Variants in DOCK10 observed in about 807,000 individuals in gnomAD.
DOCK10 encodes the protein dedicator of cytokinesis protein 10.
Under a neutral mutation model 280.1 loss-of-function variants are expected in DOCK10, and 145 were observed. The observed-to-expected ratio is 0.52, with a 90% CI of 0.45 to 0.59. DOCK10 has a LOEUF of 0.59. Ranked by LOEUF, DOCK10 falls within the 20% of genes least tolerant of loss-of-function variation. The probability of loss-of-function intolerance (pLI) is 0.00; values close to 1 mark genes in which losing one functional copy is unlikely to be tolerated. For missense variants in DOCK10, 2,368 were observed against 2,651.7 expected, an observed-to-expected ratio of 0.89 and a Z score of 2.35; for synonymous variants, 915 against 942.2, an observed-to-expected ratio of 0.97 and a Z score of 0.53.
intron 1 of DOCK10, among the ~76,000 whole-genome samples, chr2:224,961,600 G>C (rs1413080203): frequency 1.3e-5 from 2 of 150,340 alleles, no homozygotes; most frequent in African/African-American, 4.9e-5. Context: ...TCCGCCTCCT[G>C]GGTTCAAGCG....
At position 224,772,105 on chromosome 2, in the gene DOCK10, G is replaced by A. The variant is rs147186819; in HGVS notation, c.6204+1052C>T. Among the ~76,000 whole-genome samples, 103 of 151,956 alleles carry A rather than the reference G, an allele frequency of 6.8e-4. 2 individuals are homozygous for A. Among genetic ancestry groups the A allele is most frequent in the African/African-American group, 2.3e-3 (96 of 41,492 alleles). ...CCGGCTAATTTTTGTATTTTTAGTA[G>A]AGGTGGGGTTTCACCTTGTTGGCCA... On this transcript the variant is annotated intron_variant, in intron 53 of 55. Coordinates refer to ENST00000258390, the MANE Select transcript of DOCK10 (RefSeq NM_014689.3).
chr2:224,841,947 T>C lies in DOCK10; in HGVS notation c.2569-51A>G, dbSNP rs1695994052. ...ATTTCTGATGACACGTAAACCGTGT[T>C]ACAAACACAAACCACTGTGATGTGA... On this transcript the variant is annotated intron_variant, in intron 22 of 55. Transcript: ENST00000258390. The C allele has an allele frequency of 3.7e-6, 5 of 1,335,746 alleles. No homozygotes were observed. In the Admixed American group the frequency reaches 8.4e-5, roughly 22 times the overall value. 82.7% of individuals were successfully genotyped at this position (1,335,746 alleles called of 1,614,324 possible). A position where few individuals can be genotyped will look rare whatever the true frequency, so the allele number is the denominator to read the frequency against.
intron 4 of DOCK10, among the ~76,000 whole-genome samples, chr2:224,892,134 C>T (rs888422232): frequency 5.9e-5 from 9 of 152,034 alleles, no homozygotes; most frequent in South Asian, 4.2e-4. Context: ...TAGCAGCTCA[C>T]GGCTGTAATC....
intron 7 of DOCK10, among the ~76,000 whole-genome samples, chr2:224,883,531 T>C (rs566737632): frequency 2.4e-4 from 36 of 152,232 alleles, no homozygotes; most frequent in Non-Finnish European, 4.4e-4. Flanking sequence ...CTAAATACAC[T>C]ATCTCCCAGT....
intron 9 of DOCK10, 56 bp downstream of exon 9, chr2:224,874,610 C>A: frequency 2.0e-6 from 3 of 1,489,928 alleles, no homozygotes; most frequent in Non-Finnish European, 2.8e-6. Context: ...TCCATGAAAG[C>A]AATAACTAAC....
chr2:224,785,638 A>G (rs2125068556), intron 50 of DOCK10, among the ~76,000 whole-genome samples: 1 of 151,528 alleles, frequency 6.6e-6, no homozygotes, highest in South Asian at 2.1e-4. Context: ...CTGCCACCAC[A>G]CCCGGCTAAT....
Position 224,793,447 on chromosome 2 carries a change from C to A in DOCK10, c.5165G>T (p.Cys1722Phe). 1.2e-6 allele frequency: 2 copies of A among 1,613,282 alleles called. No homozygotes were observed. The highest frequency in any genetic ancestry group is 1.7e-6 in the Non-Finnish European group (2 of 1,179,496). ...AATGAGAGCAGCAATATGGATGTAA[C>A]ACATGGCAGCCTGTAATGAGAAAGA... ...RNGDLSEAAM[C>F]YIHIAALIAE... is the part of the protein sequence containing the mutation. Residue 1722 changes from cysteine (C) to phenylalanine (F), a missense_variant, in exon 46 of 56, where the codon TGT (cysteine) becomes TTT (phenylalanine). Physicochemically the swap from Cys to Phe is radical, Grantham distance 205. Coordinates refer to ENST00000258390, the MANE Select transcript of DOCK10 (RefSeq NM_014689.3).
chr2:224,773,152 C>T lies in DOCK10; in HGVS notation c.6204+5G>A. On this transcript the variant is annotated splice_donor_5th_base_variant and intron_variant, in intron 53 of 55. Coordinates refer to ENST00000258390, the MANE Select transcript of DOCK10 (RefSeq NM_014689.3). ...GCATCTCAGCCCTGGGCAATGCTTA[C>T]TCACCTTCACGCTGACACTTCCTTG... 6.2e-7 allele frequency: 1 copy of T among 1,605,340 alleles called. No homozygotes were observed. Among genetic ancestry groups the T allele is most frequent in the Non-Finnish European group, 8.5e-7 (1 of 1,173,608 alleles).
intron 2 of DOCK10, among the ~76,000 whole-genome samples, chr2:224,928,922 A>C (rs1393526796): frequency 6.6e-6 from 1 of 152,212 alleles, no homozygotes; most frequent in Non-Finnish European, 1.5e-5. Flanking sequence ...TTAGAATAAG[A>C]TGCAAACGCC....
intron 4 of DOCK10, among the ~76,000 whole-genome samples, chr2:224,890,151 A>G (rs992325959): frequency 6.6e-6 from 1 of 152,196 alleles, no homozygotes; most frequent in African/African-American, 2.4e-5. Flanking sequence ...CCTTGATGCA[A>G]TGGTATTTGT....
At chr2:224,804,902 C>T in intron 37 of DOCK10, 61 bp from the exon 38 acceptor site, 1 of 1,314,276 alleles carries the variant, frequency 7.6e-7, no homozygotes, top group Non-Finnish European at 1.0e-6. Context: ...ACAAACTGTT[C>T]ATCTAAGTAT....
Position 224,854,985 on chromosome 2 carries a change from G to A in DOCK10, c.1866C>T (p.Asp622=), listed in dbSNP as rs201451312. The change falls in exon 16 of 56, where the codon GAC becomes GAT. Residue 622 remains aspartate (D), a synonymous_variant. Transcript: ENST00000258390. ...TACTTGGATGCTCCAAGGGAACGTT[G>A]TCAACAGCAATATCCAGGCTTCCAG... is the stretch of plus-strand genomic sequence containing the variant. ...TIPGSLDIAV[D]NVPLEHPNCV... 4.8e-5 allele frequency: 77 copies of A among 1,608,950 alleles called. No homozygotes were observed. In the East Asian group the frequency reaches 1.6e-3, roughly 34 times the overall value.
intron 30 of DOCK10, 100 bp downstream of exon 30, chr2:224,816,517 G>T (rs1162946923): frequency 1.3e-6 from 1 of 775,252 alleles, no homozygotes; most frequent in Non-Finnish European, 2.2e-6. Flanking sequence ...ACAAAATTAT[G>T]ACTGAAGAAA....
At chr2:224,797,309 A>G (rs1015515101) in intron 42 of DOCK10, among the ~76,000 whole-genome samples, 163 bp from the exon 43 acceptor site, 9 of 150,352 alleles carry the variant, frequency 6.0e-5, no homozygotes, top group Non-Finnish European at 1.2e-4. Context: ...GAATTTGTTA[A>G]GGCCTATGTT....
Position 225,042,422 on chromosome 2 carries a change from G to A in DOCK10, c.-48C>T, listed in dbSNP as rs1370310472. The A allele has an allele frequency of 3.3e-6, 4 of 1,228,850 alleles. No individual in the cohort carries two copies. The highest frequency in any genetic ancestry group is 3.7e-5 in the South Asian group (1 of 27,278). 76.1% of individuals were successfully genotyped at this position (1,228,850 alleles called of 1,614,324 possible). A position where few individuals can be genotyped will look rare whatever the true frequency, so the allele number is the denominator to read the frequency against. Reference sequence around the variant, plus strand: ...GCGGGCCCGGGGCGCGCCTCCCGCCGGTCTTCCCCGCGCCAACCTTCTCTA... The same window carrying A: ...GCGGGCCCGGGGCGCGCCTCCCGCCAGTCTTCCCCGCGCCAACCTTCTCTA... On this transcript the variant is annotated 5_prime_UTR_variant, in exon 1 of 56. Transcript: ENST00000258390. This position sits in a 1 kb window ranked among gnomAD's most constrained non-coding sequence, Gnocchi z 5.1.
intron 3 of DOCK10, among the ~76,000 whole-genome samples, chr2:224,901,388 G>C (rs1265611966): frequency 6.6e-6 from 1 of 152,162 alleles, no homozygotes; most frequent in East Asian, 1.9e-4. Flanking sequence ...AGCTTCAAAG[G>C]CAAAGGCTGT....
chr2:225,035,563 T>TG (rs1467246920), intron 1 of DOCK10, among the ~76,000 whole-genome samples: 3 of 55,912 alleles, frequency 5.4e-5, no homozygotes, highest in Admixed American at 2.0e-4. Flanking sequence ...TATATATATA[T>TG]ATATATATAT....
chr2:225,040,195 G>C (rs996086692), intron 1 of DOCK10, among the ~76,000 whole-genome samples: 1 of 152,158 alleles, frequency 6.6e-6, no homozygotes, highest in African/African-American at 2.4e-5. Context: ...CCGAGTTCAG[G>C]TGCCAGCTCA....
intron 1 of DOCK10, among the ~76,000 whole-genome samples, chr2:224,971,973 G>A (rs1705111670): frequency 6.6e-6 from 1 of 152,002 alleles, no homozygotes; most frequent in African/African-American, 2.4e-5. Context: ...AACTTAATAT[G>A]CTTTTTTTCT....
Sources: allele counts gnomAD v4.1 joint callset (sites outside exome capture counted in the v4.1 genomes callset), GRCh38; gene constraint gnomAD v4.1.1; non-coding constraint Gnocchi (gnomAD v3.1); transcripts MANE v1.5; gene names NCBI Gene and HGNC (gene_info 2026-07-23, HGNC 2026-07-21).